The following KLHL3 variants were observed in gnomAD, a reference collection of about 807,000 sequenced individuals.
The protein encoded by KLHL3 is kelch like family member 3.
A neutral mutation model predicts 70.5 loss-of-function variants in KLHL3; 19 were observed. The ratio of observed to expected loss-of-function variants is 0.27; its 90% CI spans 0.19 to 0.40. KLHL3 has a LOEUF of 0.40. Among genes scored for constraint, KLHL3 ranks in the 10% least tolerant of loss-of-function variants. The pLI, the probability that KLHL3 is intolerant of heterozygous loss-of-function variation, is 1.00. For missense variants in KLHL3, 512 were observed against 771.1 expected (o/e 0.66, Z 3.98); for synonymous variants, 258 against 290.3 (o/e 0.89, Z 1.13).
chr5:137,658,081 T>C, intron 8 of KLHL3, 50 bp downstream of exon 8: 2 of 1,554,136 alleles, frequency 1.3e-6, no homozygotes, highest in Non-Finnish European at 1.7e-6. Flanking sequence ...GGAAGGCCAC[T>C]TTCCCAGGGC....
At chr5:137,713,207 A>G (rs2149931441) in intron 2 of KLHL3, among the ~76,000 whole-genome samples, 1 of 151,664 alleles carries the variant, frequency 6.6e-6, no homozygotes, top group South Asian at 2.1e-4. Context: ...GTACATGCCT[A>G]TAATCCTAGA....
Position 137,677,581 on chromosome 5 carries a change from T to C in KLHL3, c.600A>G (p.Ile200Met). The C allele has an allele frequency of 1.9e-6, 3 of 1,609,606 alleles. No homozygotes were observed. Among genetic ancestry groups the C allele is most frequent in the Non-Finnish European group, 2.5e-6 (3 of 1,177,954 alleles). ...AAGAAACGGTCAGCTTGTCGCTGGA[T>C]ATCAAGCTGCACACCTGGTCCAGAC... ...SLSLDQVCSL[I>M]SSDKLTVSSE... is the part of the protein sequence containing the mutation. Residue 200 changes from isoleucine (I) to methionine (M), a missense_variant, in exon 6 of 15, where the codon ATA becomes ATG. Ile to Met is a conservative substitution (Grantham distance 10). Transcript: ENST00000309755.
intron 11 of KLHL3, 82 bp downstream of exon 11, chr5:137,637,212 G>A (rs1414760358): frequency 1.8e-6 from 2 of 1,101,506 alleles, no homozygotes; most frequent in Admixed American, 3.5e-5. Flanking sequence ...CACGGTAGAG[G>A]AAGCACCAAG....
intron 12 of KLHL3, 67 bp downstream of exon 12, chr5:137,633,970 C>CA (rs1561584057): frequency 6.9e-6 from 11 of 1,605,464 alleles, no homozygotes; most frequent in East Asian, 4.5e-5. Flanking sequence ...TAAAATAAAA[C>CA]AAAAAAATTT....
At chr5:137,712,701 T>C (rs1371900427) in intron 2 of KLHL3, among the ~76,000 whole-genome samples, 1 of 152,142 alleles carries the variant, frequency 6.6e-6, no homozygotes, top group Non-Finnish European at 1.5e-5. Context: ...CTAGACACTT[T>C]GCCATTTGTG....
In KLHL3 at chr5:137,628,699, AT is replaced by A. The variant is rs1265952966; in HGVS notation, c.1451-263del. ...CTGTTTTTAAAAAACATTAAAAAAT[AT>A]ATATATATATATACACACACACAGA... On this transcript the variant is annotated intron_variant, in intron 12 of 14. Transcript: ENST00000309755. 617 of 103,018 alleles carry A rather than the reference AT, an allele frequency of 6.0e-3. 3 individuals are homozygous for A. Among genetic ancestry groups the A allele is most frequent in the Middle Eastern group, 0.015 (4 of 272 alleles). The allele number at this position is 103,018 out of a possible 1,614,324, so 6.4% of individuals were successfully genotyped here.
At chr5:137,625,920 G>C in intron 13 of KLHL3, 24 bp from the exon 14 acceptor site, 1 of 1,613,878 alleles carries the variant, frequency 6.2e-7, no homozygotes, top group South Asian at 1.1e-5. Context: ...AAAAGCCATG[G>C]GAGACATCAC....
intron 7 of KLHL3, chr5:137,660,682 C>T (rs1321442755): frequency 6.6e-6 from 1 of 152,194 alleles, no homozygotes; most frequent in Non-Finnish European, 1.5e-5. Flanking sequence ...TTTACAAGTG[C>T]TCGTGAGGAT....
At position 137,625,928 on chromosome 5, in the gene KLHL3, C is replaced by A. The variant is rs770369674; in HGVS notation, c.1592-32G>T. Reference sequence around the variant, plus strand: ...GTCAAACAAAAGCCATGGGAGACATCACAGCAGGTGCACTAAGAGATCAGA... The same window carrying A: ...GTCAAACAAAAGCCATGGGAGACATAACAGCAGGTGCACTAAGAGATCAGA... On this transcript the variant is annotated intron_variant, in intron 13 of 14. Coordinates refer to ENST00000309755, the MANE Select transcript of KLHL3 (RefSeq NM_017415.3). 9.3e-6 allele frequency: 15 copies of A among 1,613,772 alleles called. No homozygotes were observed. The East Asian group carries it at 3.3e-4, about 36-fold the overall frequency.
At position 137,683,229 on chromosome 5, in the gene KLHL3, T is replaced by A. The variant is rs141680899; in HGVS notation, c.527-5575A>T. Among the ~76,000 whole-genome samples the A allele has an allele frequency of 1.3e-3, 203 of 152,262 alleles. 5 individuals carry two copies. In the Middle Eastern group the frequency reaches 0.024, roughly 18 times the overall value. ...TCTTCTCCATAATTTCCCATCCACA[T>A]GGACGGGAACATACTCATTGTGTTT... On this transcript the variant is annotated intron_variant, in intron 5 of 14. Coordinates refer to ENST00000309755, the MANE Select transcript of KLHL3 (RefSeq NM_017415.3).
chr5:137,630,282 G>C (rs1367262937), intron 12 of KLHL3, among the ~76,000 whole-genome samples: 2 of 152,186 alleles, frequency 1.3e-5, no homozygotes, highest in African/African-American at 2.4e-5. Flanking sequence ...TGGACTCCCA[G>C]GCAATAGAGG....
intron 1 of KLHL3, among the ~76,000 whole-genome samples, chr5:137,731,105 A>C (rs550929002): frequency 2.6e-5 from 4 of 152,306 alleles, no homozygotes; most frequent in African/African-American, 7.2e-5. Context: ...TTACACAAAA[A>C]TTATCTTGTC....
intron 4 of KLHL3, chr5:137,692,686 T>C: frequency 2.1e-6 from 1 of 478,214 alleles, no homozygotes; most frequent in Non-Finnish European, 3.8e-6. Context: ...CTTTAATCCC[T>C]GGGGATCTTA....
chr5:137,624,664 T>G (rs1580712352), intron 14 of KLHL3, among the ~76,000 whole-genome samples: 1 of 151,888 alleles, frequency 6.6e-6, no homozygotes, highest in East Asian at 1.9e-4. Context: ...ATTCCTGGAG[T>G]CGTGGTATGG....
intron 3 of KLHL3, chr5:137,707,602 GTTTTTACCTGTAATAAACA>G (rs2149928208): frequency 6.5e-6 from 1 of 154,370 alleles, no homozygotes; most frequent in South Asian, 2.0e-4. Context: ...ACAGTTTCTG[GTTTTTACCTGTAATAAACA>G]CATGTGAACA....
At chr5:137,715,814 C>G (rs1427845828) in intron 2 of KLHL3, among the ~76,000 whole-genome samples, 1 of 152,158 alleles carries the variant, frequency 6.6e-6, no homozygotes, top group Admixed American at 6.5e-5. Context: ...TACAAGTATT[C>G]AACAACAGTA....
intron 6 of KLHL3, among the ~76,000 whole-genome samples, chr5:137,669,481 G>T (rs1205844592): frequency 6.6e-6 from 1 of 151,464 alleles, no homozygotes; most frequent in Non-Finnish European, 1.5e-5. Context: ...AACCAAAAAT[G>T]ATGAAAAAAT....
chr5:137,644,570 T>C (rs1561588553), intron 8 of KLHL3, among the ~76,000 whole-genome samples: 1 of 152,220 alleles, frequency 6.6e-6, no homozygotes, highest in African/African-American at 2.4e-5. Context: ...GTAGTTCTAC[T>C]TTTAATTTTT....
rs138077967 is a variant in KLHL3 at position 137,622,980 on chromosome 5, T to C, written c.1736-854A>G. On this transcript the variant is annotated intron_variant, in intron 14 of 14. Transcript: ENST00000309755. ...TGGCCACTAAGACTGTAAAGGCAAG[T>C]GTGCCAGTGTTGCAACGCTGGCTTT... Among the ~76,000 whole-genome samples, 400 of 152,358 alleles carry C rather than the reference T, an allele frequency of 2.6e-3. 1 individual carries two copies. The highest frequency in any genetic ancestry group is 4.7e-3 in the Non-Finnish European group (318 of 68,032).
Sources: allele counts gnomAD v4.1 joint callset (sites outside exome capture counted in the v4.1 genomes callset), GRCh38; gene constraint gnomAD v4.1.1; transcripts MANE v1.5; gene names NCBI Gene and HGNC (gene_info 2026-07-23, HGNC 2026-07-21).